PIGX: variants seen among roughly 807,000 people sequenced by gnomAD.
PIGX encodes GPI alpha-1,4-mannosyltransferase I, stabilizing subunit.
In PIGX, 24 loss-of-function variants were observed where a neutral mutation model predicts 28.7. The ratio of observed to expected loss-of-function variants is 0.84; its 90% CI spans 0.60 to 1.17. The LOEUF is 1.17. PIGX is among the 50% of genes most tolerant of loss of function. The pLI, the probability that PIGX is intolerant of heterozygous loss-of-function variation, is 0.00. For missense variants in PIGX, 305 were observed against 317.8 expected, an observed-to-expected ratio of 0.96 and a Z score of 0.31; for synonymous variants, 127 against 121.0, an observed-to-expected ratio of 1.05 and a Z score of -0.33.
chr3:196,720,074 G>C (rs1031967035), intron 2 of PIGX, among the ~76,000 whole-genome samples: 1 of 152,196 alleles, frequency 6.6e-6, no homozygotes, highest in Non-Finnish European at 1.5e-5. Flanking sequence ...CACCGCGCCC[G>C]GCCTAATTTT....
Position 196,712,490 on chromosome 3 carries a change from C to T in PIGX, c.-43C>T, listed in dbSNP as rs369924857. ...GGCCAGGCCCCTTCCTGCGTCCGCA[C>T]CTGGCCCCGCGCGCCCCTCTCGGGC... On this transcript the variant is annotated 5_prime_UTR_variant, in exon 1 of 6. Coordinates refer to ENST00000392391, the MANE Select transcript of PIGX (RefSeq NM_017861.4). 1.6e-4 allele frequency: 161 copies of T among 998,430 alleles called. 1 individual carries two copies. The South Asian group carries it at 6.5e-3, about 41-fold the overall frequency. 61.8% of individuals were successfully genotyped at this position (998,430 alleles called of 1,614,324 possible).
At chr3:196,726,913 G>T (rs571825307) in intron 3 of PIGX, 1 of 219,990 alleles carries the variant, frequency 4.5e-6, no homozygotes, top group African/African-American at 2.3e-5. Context: ...TACCTTTGTT[G>T]GGACAGTGGT....
At chr3:196,714,499 C>G (rs1407831006) in intron 1 of PIGX, among the ~76,000 whole-genome samples, 3 of 146,306 alleles carry the variant, frequency 2.1e-5, no homozygotes, top group Non-Finnish European at 4.5e-5. Context: ...GAGTCTTGCT[C>G]TCTTGCCAGG....
At position 196,730,363 on chromosome 3, in the gene PIGX, G is replaced by A. The variant is rs537855050; in HGVS notation, c.533-629G>A. Among the ~76,000 whole-genome samples the A allele has an allele frequency of 1.2e-4, 19 of 152,106 alleles. 2 individuals are homozygous for A. The South Asian group carries it at 3.9e-3, about 32-fold the overall frequency. ...GAAATTTATCGAGTTTTGCACTTAC[G>A]ATATGTTCACTTTTCTGAGTGATGC... On this transcript the variant is annotated intron_variant, in intron 4 of 5. Transcript: ENST00000392391.
chr3:196,732,230 A>ATT, intron 5 of PIGX, among the ~76,000 whole-genome samples: 1 of 48,614 alleles, frequency 2.1e-5, no homozygotes, highest in Admixed American at 2.2e-4. Context: ...ATATATATAT[A>ATT]TATATATATA....
At position 196,731,056 on chromosome 3, in the gene PIGX, G is replaced by T. The variant is rs1192804885; in HGVS notation, c.597G>T (p.Glu199Asp). The change falls in exon 5 of 6, where the codon GAG (glutamate) becomes GAT (aspartate). Residue 199 changes from glutamate to aspartate, a missense_variant. Glu to Asp is a conservative substitution (Grantham distance 45). Coordinates refer to ENST00000392391, the MANE Select transcript of PIGX (RefSeq NM_017861.4). ...CAGCCCCTTGTGCTTTGGAGAATGA[G>T]GATATCTGCCAATGGAACAAGATGA... 6.2e-7 allele frequency: 1 copy of T among 1,608,386 alleles called. No homozygotes were observed. Among genetic ancestry groups the T allele is most frequent in the Admixed American group, 1.7e-5 (1 of 59,984 alleles).
At chr3:196,722,979 G>C (rs755027142) in intron 3 of PIGX, among the ~76,000 whole-genome samples, 1 of 152,152 alleles carries the variant, frequency 6.6e-6, no homozygotes, top group Non-Finnish European at 1.5e-5. Flanking sequence ...AAGAAAGATC[G>C]TGTCCTGCAC....
At chr3:196,714,477 T>A (rs370764610) in intron 1 of PIGX, among the ~76,000 whole-genome samples, 3 of 121,206 alleles carry the variant, frequency 2.5e-5, no homozygotes, top group Non-Finnish European at 3.6e-5. Context: ...TTTTTTTTTT[T>A]TTTTTGAGAC....
At position 196,735,157 on chromosome 3, in the gene PIGX, T is replaced by A. The variant is rs1712956691; in HGVS notation, c.*1255T>A. The A allele has an allele frequency of 6.6e-6, 1 of 151,524 alleles. No individual in the cohort carries two copies. The highest frequency in any genetic ancestry group is 1.5e-5 in the Non-Finnish European group (1 of 68,056). 9.4% of individuals were successfully genotyped at this position (151,524 alleles called of 1,614,324 possible). ...AAAATACAAAAAAATGAGCCGGGTATGGTGGTGCATACCTGTAGTCCCAGC... is the reference window on the plus strand; with the variant it reads ...AAAATACAAAAAAATGAGCCGGGTAAGGTGGTGCATACCTGTAGTCCCAGC... On this transcript the variant is annotated 3_prime_UTR_variant, in exon 6 of 6. Transcript: ENST00000392391.
At chr3:196,730,336 T>C (rs906553972) in intron 4 of PIGX, among the ~76,000 whole-genome samples, 7 of 152,198 alleles carry the variant, frequency 4.6e-5, no homozygotes, top group Non-Finnish European at 1.0e-4. Flanking sequence ...GTGTTTCATA[T>C]GGAAATTTAT....
chr3:196,724,342 T>C (rs754128389), intron 3 of PIGX, among the ~76,000 whole-genome samples: 12 of 152,220 alleles, frequency 7.9e-5, no homozygotes, highest in Non-Finnish European at 1.6e-4. Context: ...CAATGAATTA[T>C]GAATTCTAAA....
intron 1 of PIGX, 37 bp from the exon 2 acceptor site, chr3:196,716,821 C>T: frequency 2.6e-6 from 3 of 1,150,660 alleles, no homozygotes; most frequent in Non-Finnish European, 3.7e-6. Flanking sequence ...TTATTCAGTG[C>T]TTTTGTTTTT....
At chr3:196,716,464 C>T (rs1712102061) in intron 1 of PIGX, among the ~76,000 whole-genome samples, 1 of 152,062 alleles carries the variant, frequency 6.6e-6, no homozygotes. Context: ...CTTGGGATCA[C>T]CTGAATAAAG....
chr3:196,732,261 A>ATAT (rs1712828120), intron 5 of PIGX, among the ~76,000 whole-genome samples: 1 of 20,902 alleles, frequency 4.8e-5, no homozygotes, highest in African/African-American at 1.7e-4. Flanking sequence ...TATATATTTT[A>ATAT]TTTTATTTTA....
At chr3:196,718,748 T>G (rs1217617043) in intron 2 of PIGX, among the ~76,000 whole-genome samples, 2 of 152,170 alleles carry the variant, frequency 1.3e-5, no homozygotes, top group Non-Finnish European at 2.9e-5. Flanking sequence ...GGGAAACATT[T>G]TCTTCTCTAG....
rs1560080891 is a variant in PIGX, at chr3:196,732,286, T to TA, written c.633+1194_633+1195insA. Among the ~76,000 whole-genome samples, 7 of 84,288 alleles carry TA rather than the reference T, an allele frequency of 8.3e-5. 2 individuals carry two copies. The highest frequency in any genetic ancestry group is 3.2e-4 in the African/African-American group (6 of 18,486). 55.3% of individuals were successfully genotyped at this position (84,288 alleles called of 152,430 possible). A position where few individuals can be genotyped will look rare whatever the true frequency, so the allele number is the denominator to read the frequency against. ...ATTTTATTTTATTTTTTTTTTTATT[T>TA]TATTTTTTTTTTTGAGACGGAGTCT... On this transcript the variant is annotated intron_variant, in intron 5 of 5. Coordinates refer to ENST00000392391, the MANE Select transcript of PIGX (RefSeq NM_017861.4).
At chr3:196,727,790 G>A (rs1712587207) in intron 3 of PIGX, 133 bp from the exon 4 acceptor site, 5 of 518,966 alleles carry the variant, frequency 9.6e-6, no homozygotes, top group Admixed American at 7.3e-5. Flanking sequence ...GGATGGAAGG[G>A]GAATGGAAAT....
At chr3:196,728,337 A>G (rs1712609538) in intron 4 of PIGX, 2 of 590,118 alleles carry the variant, frequency 3.4e-6, no homozygotes, top group African/African-American at 1.9e-5. Flanking sequence ...TTACAATAAA[A>G]AAGTTAAAAA....
intron 3 of PIGX, among the ~76,000 whole-genome samples, chr3:196,723,797 C>A (rs1045702866): frequency 1.3e-5 from 2 of 151,756 alleles, no homozygotes; most frequent in Non-Finnish European, 2.9e-5. Context: ...TATTTCTAAT[C>A]GTGGTTTAGG....
Sources: gnomAD v4.1 joint callset for allele counts (sites outside exome capture counted in the v4.1 genomes callset) on GRCh38, gnomAD v4.1.1 for gene constraint, MANE v1.5 for transcripts, NCBI Gene and HGNC (gene_info 2026-07-23, HGNC 2026-07-21) for gene names.